CC2D2A: variants seen among roughly 807,000 people sequenced by gnomAD.
CC2D2A encodes coiled-coil and C2 domain containing 2A, also known as coiled-coil and C2 domain-containing protein 2A.
Under a neutral mutation model 212.9 loss-of-function variants are expected in CC2D2A, and 155 were observed. That is an observed-to-expected ratio of 0.73 (90% CI 0.64 to 0.83). The LOEUF is 0.83. Ranked by LOEUF, CC2D2A falls within the 40% of genes least tolerant of loss-of-function variation. The pLI is 0.00. For missense variants in CC2D2A, 1,856 were observed against 1,956.2 expected, an observed-to-expected ratio of 0.95 and a Z score of 0.97; for synonymous variants, 667 against 686.5, an observed-to-expected ratio of 0.97 and a Z score of 0.44.
chr4:15,546,360 AGT>A (rs1200264445), intron 17 of CC2D2A, among the ~76,000 whole-genome samples: 1 of 152,206 alleles, frequency 6.6e-6, no homozygotes, highest in Non-Finnish European at 1.5e-5. Flanking sequence ...AACTAACAAC[AGT>A]GGTATAATAT....
intron 6 of CC2D2A, among the ~76,000 whole-genome samples, chr4:15,509,326 T>G (rs929323575): frequency 6.6e-5 from 10 of 150,822 alleles, no homozygotes; most frequent in African/African-American, 2.4e-4. Context: ...CAGGCTGGAG[T>G]GCAGTGCTGC....
In CC2D2A at chr4:15,515,917, A is replaced by G. The variant is rs1256968285; in HGVS notation, c.930A>G (p.Glu310=). The stretch of plus-strand genomic sequence containing the variant: ...AGAATGTACAGCCCAGGTTCCTGGA[A>G]GATGAAGGCCTTTACACCGGGGTAA... ...LPENVQPRFL[E]DEGLYTGVRP... The change falls in exon 10 of 37, where the codon GAA becomes GAG. Residue 310 remains glutamate, a synonymous_variant. Coordinates refer to ENST00000424120, the MANE Select transcript of CC2D2A (RefSeq NM_001378615.1). 3.2e-6 allele frequency: 5 copies of G among 1,558,406 alleles called. No individual in the cohort carries two copies. Among genetic ancestry groups the G allele is most frequent in the Non-Finnish European group, 4.3e-6 (5 of 1,150,900 alleles).
chr4:15,537,777 T>G, intron 15 of CC2D2A, 122 bp from the exon 16 acceptor site: 1 of 1,035,594 alleles, frequency 9.7e-7, no homozygotes, highest in Non-Finnish European at 1.4e-6. Context: ...CCTGCCTGAT[T>G]ACACACTTCT....
chr4:15,535,216 C>A (rs2109032027), intron 14 of CC2D2A, among the ~76,000 whole-genome samples: 1 of 152,134 alleles, frequency 6.6e-6, no homozygotes, highest in East Asian at 1.9e-4. Flanking sequence ...CGAATTCCAT[C>A]TCCTAGGCTG....
Position 15,553,027 on chromosome 4 carries a change from T to G in CC2D2A, c.2339-131T>G, listed in dbSNP as rs559277725. ...CTGAAGAAATTCAGTGACACTGGCT[T>G]GAATCATGTGCTCCATCTTCATCAC... On this transcript the variant is annotated intron_variant, in intron 18 of 36. Coordinates refer to ENST00000424120, the MANE Select transcript of CC2D2A (RefSeq NM_001378615.1). 17 of 700,910 alleles carry G rather than the reference T, an allele frequency of 2.4e-5. No individual in the cohort carries two copies. The South Asian group carries it at 3.7e-4, about 15-fold the overall frequency. The allele number at this position is 700,910 out of a possible 1,614,324, so 43.4% of individuals were successfully genotyped here. A position where few individuals can be genotyped will look rare whatever the true frequency, so the allele number is the denominator to read the frequency against.
At position 15,587,965 on chromosome 4, in the gene CC2D2A, T is replaced by C. The variant is rs201000873; in HGVS notation, c.4179+36T>C. Reference sequence around the variant, plus strand: ...ATAGGCTGCCTTTAACAGAGGAGTATAGTTGTCTAATCGAGTTGTGTGTTC... The same window carrying C: ...ATAGGCTGCCTTTAACAGAGGAGTACAGTTGTCTAATCGAGTTGTGTGTTC... On this transcript the variant is annotated intron_variant, in intron 32 of 36. Transcript: ENST00000424120. 1.7e-5 allele frequency: 20 copies of C among 1,165,038 alleles called. No individual in the cohort carries two copies. The African/African-American group carries it at 2.1e-4, about 12-fold the overall frequency. The allele number at this position is 1,165,038 out of a possible 1,614,324, so 72.2% of individuals were successfully genotyped here. A position where few individuals can be genotyped will look rare whatever the true frequency, so the allele number is the denominator to read the frequency against.
At chr4:15,499,841 C>T (rs1234932746) in intron 4 of CC2D2A, among the ~76,000 whole-genome samples, 3 of 151,910 alleles carry the variant, frequency 2.0e-5, no homozygotes, top group Non-Finnish European at 4.4e-5. Flanking sequence ...GTCTAGAAGC[C>T]CCTGTTAACC....
At chr4:15,544,712 G>A (rs533653317) in intron 17 of CC2D2A, among the ~76,000 whole-genome samples, 39 of 152,284 alleles carry the variant, frequency 2.6e-4, no homozygotes, top group Middle Eastern at 6.8e-3. Context: ...GTCTCCCACA[G>A]CACACCAGTA....
chr4:15,560,530 G>A lies in CC2D2A; in HGVS notation c.2923-1G>A. The stretch of plus-strand genomic sequence containing the variant: ...TTAAATAAGCTGATTTCTTTCCCCA[G>A]GTTAGAGAATCAGTGATAAATCGTT... On this transcript the variant is annotated splice_acceptor_variant, in intron 22 of 36. Coordinates refer to ENST00000424120, the MANE Select transcript of CC2D2A (RefSeq NM_001378615.1). LOFTEE classifies it high-confidence loss of function. The A allele has an allele frequency of 1.4e-6, 2 of 1,441,486 alleles. No individual in the cohort carries two copies. The highest frequency in any genetic ancestry group is 1.9e-6 in the Non-Finnish European group (2 of 1,036,174). 89.3% of individuals were successfully genotyped at this position (1,441,486 alleles called of 1,614,324 possible). A position where few individuals can be genotyped will look rare whatever the true frequency, so the allele number is the denominator to read the frequency against.
chr4:15,579,837 A>G (rs892793561), intron 29 of CC2D2A, 131 bp from the exon 30 acceptor site: 30 of 688,678 alleles, frequency 4.4e-5, no homozygotes, highest in Non-Finnish European at 2.5e-6. Flanking sequence ...GGACACCAGG[A>G]CATGACAGCT....
At position 15,536,217 on chromosome 4, in the gene CC2D2A, C is replaced by G. The variant is rs545464148; in HGVS notation, c.1608-703C>G. Among the ~76,000 whole-genome samples, 11 of 146,158 alleles carry G rather than the reference C, an allele frequency of 7.5e-5. No individual in the cohort carries two copies. The South Asian group carries it at 2.4e-3, about 32-fold the overall frequency. ...GCAAACTATCACAAGGACAGAAAAC[C>G]AAACACCGCATGTTCTCACTCACAG... On this transcript the variant is annotated intron_variant, in intron 14 of 36. Coordinates refer to ENST00000424120, the MANE Select transcript of CC2D2A (RefSeq NM_001378615.1).
intron 23 of CC2D2A, among the ~76,000 whole-genome samples, chr4:15,562,024 C>A (rs1347477678): frequency 6.6e-6 from 1 of 152,154 alleles, no homozygotes; most frequent in Non-Finnish European, 1.5e-5. Flanking sequence ...TGTAAGGCAC[C>A]CAGCACTCTT....
At chr4:15,573,944 G>A (rs1268608599) in intron 28 of CC2D2A, among the ~76,000 whole-genome samples, 1 of 152,184 alleles carries the variant, frequency 6.6e-6, no homozygotes, top group Admixed American at 6.6e-5. Context: ...TACACCCTCT[G>A]CTAAACAATG....
In CC2D2A at chr4:15,580,079, G is replaced by A. The variant is rs763466980; in HGVS notation, c.3883G>A (p.Gly1295Arg). 4.3e-5 allele frequency: 70 copies of A among 1,613,704 alleles called. No individual in the cohort carries two copies. The highest frequency in any genetic ancestry group is 2.7e-4 in the South Asian group (25 of 91,082). The change falls in exon 30 of 37, where the codon GGA becomes AGA. Residue 1295 changes from glycine (G) to arginine (R), a missense_variant. Transcript: ENST00000424120. The part of the protein sequence containing the change: ...QCLTTVIDIS[G>R]KTVFITRYLK... Reference sequence around the variant, plus strand: ...CCTTACAACAGTAATTGATATAAGCGGAAAAACTGTTTTTATCACACGTTA... The same window carrying A: ...CCTTACAACAGTAATTGATATAAGCAGAAAAACTGTTTTTATCACACGTTA...
chr4:15,555,824 A>G (rs1330959324), intron 20 of CC2D2A, among the ~76,000 whole-genome samples: 1 of 152,140 alleles, frequency 6.6e-6, no homozygotes, highest in Non-Finnish European at 1.5e-5. Context: ...CCTACCTCCA[A>G]CCTCTGTAAA....
chr4:15,524,500 GA>G (rs1717395992), intron 11 of CC2D2A, among the ~76,000 whole-genome samples: 3 of 141,520 alleles, frequency 2.1e-5, no homozygotes, highest in African/African-American at 8.0e-5. Flanking sequence ...GCCCAGGCTG[GA>G]GTGCAGTAGC....
intron 36 of CC2D2A, among the ~76,000 whole-genome samples, chr4:15,600,039 G>T (rs1009543005): frequency 6.6e-6 from 1 of 152,070 alleles, no homozygotes; most frequent in African/African-American, 2.4e-5. Flanking sequence ...TAAGGATATG[G>T]TTTTATACTG....
At chr4:15,598,569 A>C (rs1238394521) in intron 35 of CC2D2A, among the ~76,000 whole-genome samples, 1 of 152,212 alleles carries the variant, frequency 6.6e-6, no homozygotes, top group Non-Finnish European at 1.5e-5. Flanking sequence ...ATGGCCCAAT[A>C]AATAGTAGCT....
chr4:15,478,630 C>G, intron 2 of CC2D2A, 93 bp from the exon 3 acceptor site: 1 of 882,658 alleles, frequency 1.1e-6, no homozygotes, highest in Non-Finnish European at 1.8e-6. Context: ...TGGATAGAAG[C>G]CCAGGGTCAA....
Sources: gnomAD v4.1 joint callset for allele counts (sites outside exome capture counted in the v4.1 genomes callset) on GRCh38, gnomAD v4.1.1 for gene constraint, MANE v1.5 for transcripts, NCBI Gene and HGNC (gene_info 2026-07-23, HGNC 2026-07-21) for gene names.